The following DYRK2 variants were observed in gnomAD, a reference collection of about 807,000 sequenced individuals.
DYRK2 encodes the protein dual specificity tyrosine-phosphorylation-regulated kinase 2.
DYRK2 carries 12 observed loss-of-function variants against 41.6 expected under a neutral mutation model. That is an observed-to-expected ratio of 0.29 (90% CI 0.18 to 0.47). The LOEUF (loss-of-function observed/expected upper bound fraction) is 0.47, where lower values mean the gene tolerates loss of function less well. Among genes scored for constraint, DYRK2 ranks in the 20% least tolerant of loss-of-function variants. DYRK2 has a pLI of 1.00. For missense variants in DYRK2, 678 were observed against 798.4 expected (o/e 0.85, Z 1.82); for synonymous variants, 322 against 315.7 (o/e 1.02, Z -0.21).
At chr12:67,650,311 G>A (rs1872282227) in intron 2 of DYRK2, among the ~76,000 whole-genome samples, 1 of 152,074 alleles carries the variant, frequency 6.6e-6, no homozygotes, top group Non-Finnish European at 1.5e-5. Flanking sequence ...CCACCTCCCC[G>A]TGGGTAGTGG....
chr12:67,663,166 C>G lies in DYRK2; in HGVS notation c.*4453C>G, dbSNP rs1056107008. 2.0e-5 allele frequency: 3 copies of G among 151,900 alleles called. No individual in the cohort carries two copies. Among genetic ancestry groups the G allele is most frequent in the African/African-American group, 7.3e-5 (3 of 41,358 alleles). 9.4% of individuals were successfully genotyped at this position (151,900 alleles called of 1,614,324 possible). ...TGCTTATGAGTTTGCAGTTTTTGTA[C>G]TTGGTGGTCTCTGTGGTTCACATTT... On this transcript the variant is annotated 3_prime_UTR_variant, in exon 3 of 3. Coordinates refer to ENST00000344096, the MANE Select transcript of DYRK2 (RefSeq NM_006482.3).
chr12:67,655,455 C>G (rs924817285), intron 2 of DYRK2, among the ~76,000 whole-genome samples: 1 of 152,152 alleles, frequency 6.6e-6, no homozygotes, highest in African/African-American at 2.4e-5. Context: ...CAAGACTTGC[C>G]TGATTCATTT....
rs1037246000 is a variant in DYRK2 at position 67,662,207 on chromosome 12, A to C, written c.*3494A>C. 1 of 166,982 alleles carries C rather than the reference A, an allele frequency of 6.0e-6. No individual in the cohort carries two copies. Among genetic ancestry groups the C allele is most frequent in the Non-Finnish European group, 1.5e-5 (1 of 68,084 alleles). 10.3% of individuals were successfully genotyped at this position (166,982 alleles called of 1,614,324 possible). ...TGATCTGGTCTCGGTAAAGGTTTTA[A>C]TATTGCCCAACATAATGCTGTAATA... is the stretch of plus-strand genomic sequence containing the variant. On this transcript the variant is annotated 3_prime_UTR_variant, in exon 3 of 3. Coordinates refer to ENST00000344096, the MANE Select transcript of DYRK2 (RefSeq NM_006482.3).
At position 67,657,419 on chromosome 12, in the gene DYRK2, A is replaced by C. The variant is rs1872508514; in HGVS notation, c.512A>C (p.Glu171Ala). 1 of 1,614,116 alleles carries C rather than the reference A, an allele frequency of 6.2e-7. No individual in the cohort carries two copies. The highest frequency in any genetic ancestry group is 8.5e-7 in the Non-Finnish European group (1 of 1,180,054). Residue 171 changes from glutamate (E) to alanine (A), a missense_variant, in exon 3 of 3, where the codon GAA (glutamate) becomes GCA (alanine). Glu to Ala is a moderately radical substitution (Grantham distance 107). This residue lies in a region of DYRK2 where 285 missense variants were observed against 279.2 expected (regional missense o/e 1.02). Transcript: ENST00000344096. The surrounding 1 kb of genome is among the most constrained non-coding windows in gnomAD (Gnocchi z 4.8). ...KQYMQKLTAF[E>A]HHEIFSYPEI... ...TACATGCAAAAACTCACAGCCTTCG[A>C]ACACCATGAGATTTTCAGCTACCCT...
In DYRK2 at chr12:67,649,910, C is replaced by A; in HGVS notation, c.163C>A (p.Leu55Ile). Residue 55 changes from leucine (L) to isoleucine (I), a missense_variant, in exon 2 of 3, where the codon CTC becomes ATC. Leu to Ile is a conservative substitution (Grantham distance 5). Around this residue, in one of 2 missense-constraint regions of DYRK2, gnomAD observed 285 missense variants for 279.2 expected, o/e 1.02. Transcript: ENST00000344096. ...GCCCTCCCCCATCGCCCTGCCGCCT[C>A]TCCGGGCCAGCAACGCTGCCGCCGC... ...GPPSPIALPP[L>I]RASNAAAAAH... 1 of 1,385,890 alleles carries A rather than the reference C, an allele frequency of 7.2e-7. No individual in the cohort carries two copies. Among genetic ancestry groups the A allele is most frequent in the Non-Finnish European group, 9.3e-7 (1 of 1,076,816 alleles). The allele number at this position is 1,385,890 out of a possible 1,614,324, so 85.8% of individuals were successfully genotyped here.
rs1872530129 is a variant in DYRK2 at position 67,658,027 on chromosome 12, T to C, written c.1120T>C (p.Tyr374His). 1.2e-6 allele frequency: 2 copies of C among 1,614,226 alleles called. No individual in the cohort carries two copies. Among genetic ancestry groups the C allele is most frequent in the Non-Finnish European group, 1.7e-6 (2 of 1,180,038 alleles). ...IKVIDFGSSCYEHQRVYTYIQ... is the reference protein window; with the variant it reads ...IKVIDFGSSCHEHQRVYTYIQ... ...AGTAATTGATTTTGGCTCCAGTTGT[T>C]ACGAGCATCAGCGTGTCTACACGTA... Residue 374 changes from tyrosine (Y) to histidine (H), a missense_variant, in exon 3 of 3, where the codon TAC becomes CAC. Physicochemically the swap from Tyr to His is moderately conservative, Grantham distance 83 (BLOSUM62 2). Transcript: ENST00000344096. This position sits in a 1 kb window ranked among gnomAD's most constrained non-coding sequence, Gnocchi z 4.3.
At chr12:67,650,614 A>G (rs568372639) in intron 2 of DYRK2, among the ~76,000 whole-genome samples, 15 of 152,238 alleles carry the variant, frequency 9.9e-5, no homozygotes, top group Non-Finnish European at 2.2e-4. Context: ...GAGGTGGGAA[A>G]GAAAAAGCAC....
In DYRK2 at chr12:67,649,036, AG is replaced by A; in HGVS notation, c.-94del. ...CGACGAGGCGCCGGGGACCCGCGCGAGGGGCGGCCGGGAGGCGGCGGCGGCG... is the reference window on the plus strand; with the variant it reads ...CGACGAGGCGCCGGGGACCCGCGCGAGGGCGGCCGGGAGGCGGCGGCGGCG... On this transcript the variant is annotated 5_prime_UTR_variant, in exon 1 of 3. The change abolishes the stop of an existing upstream ORF in the 5' untranslated region. Transcript: ENST00000344096. 1 of 1,065,404 alleles carries A rather than the reference AG, an allele frequency of 9.4e-7. No individual in the cohort carries two copies. The highest frequency in any genetic ancestry group is 1.2e-6 in the Non-Finnish European group (1 of 802,620). 66.0% of individuals were successfully genotyped at this position (1,065,404 alleles called of 1,614,324 possible).
Position 67,658,910 on chromosome 12 carries a change from T to C in DYRK2, c.*197T>C, listed in dbSNP as rs1872557196. On this transcript the variant is annotated 3_prime_UTR_variant, in exon 3 of 3. Coordinates refer to ENST00000344096, the MANE Select transcript of DYRK2 (RefSeq NM_006482.3). The surrounding 1 kb of genome is among the most constrained non-coding windows in gnomAD (Gnocchi z 4.3). ...ACATGAGGACAATGCTTTAAGTTTT[T>C]ATACTTTCAGAAACTTTTTGTGTTC... The C allele has an allele frequency of 1.8e-6, 1 of 564,542 alleles. No individual in the cohort carries two copies. The highest frequency in any genetic ancestry group is 2.9e-6 in the Non-Finnish European group (1 of 347,782). The allele number at this position is 564,542 out of a possible 1,614,324, so 35.0% of individuals were successfully genotyped here. A position where few individuals can be genotyped will look rare whatever the true frequency, so the allele number is the denominator to read the frequency against.
Position 67,658,374 on chromosome 12 carries a change from C to T in DYRK2, c.1467C>T (p.Gly489=), listed in dbSNP as rs1398705159. The change falls in exon 3 of 3, where the codon GGC becomes GGT. Residue 489 remains glycine, a synonymous_variant. Transcript: ENST00000344096. The surrounding 1 kb of genome is among the most constrained non-coding windows in gnomAD (Gnocchi z 4.3). ...GTTCCCGGAGGGGGAAACTGAGGGGCCCACCGGAGAGCAGAGAGTGGGGGA... is the reference window on the plus strand; with the variant it reads ...GTTCCCGGAGGGGGAAACTGAGGGGTCCACCGGAGAGCAGAGAGTGGGGGA... ...GGRSRRGKLR[G]PPESREWGNA... 1.2e-6 allele frequency: 2 copies of T among 1,607,804 alleles called. No individual in the cohort carries two copies. The highest frequency in any genetic ancestry group is 1.1e-5 in the South Asian group (1 of 90,346).
At chr12:67,654,657 C>A (rs1345555178) in intron 2 of DYRK2, among the ~76,000 whole-genome samples, 2 of 152,076 alleles carry the variant, frequency 1.3e-5, no homozygotes, top group Non-Finnish European at 2.9e-5. Flanking sequence ...AGGATTCATT[C>A]GCAGGTGGAT....
At position 67,659,431 on chromosome 12, in the gene DYRK2, T is replaced by A. The variant is rs1489307000; in HGVS notation, c.*718T>A. The A allele has an allele frequency of 1.8e-5, 3 of 167,090 alleles. No homozygotes were observed. In the East Asian group the frequency reaches 5.8e-4, roughly 32 times the overall value. 10.4% of individuals were successfully genotyped at this position (167,090 alleles called of 1,614,324 possible). A position where few individuals can be genotyped will look rare whatever the true frequency, so the allele number is the denominator to read the frequency against. Reference sequence around the variant, plus strand: ...TGAGCTGTTTTGTAAAGAAGCCTCATATTACAGAGTTGCTTTTGCACCTAA... The same window carrying A: ...TGAGCTGTTTTGTAAAGAAGCCTCAAATTACAGAGTTGCTTTTGCACCTAA... On this transcript the variant is annotated 3_prime_UTR_variant, in exon 3 of 3. Transcript: ENST00000344096.
rs771055955 is a variant in DYRK2, at chr12:67,658,813, ACT to A, written c.*103_*104del. The A allele has an allele frequency of 6.9e-5, 89 of 1,280,918 alleles. No homozygotes were observed. The highest frequency in any genetic ancestry group is 8.7e-5 in the Non-Finnish European group (82 of 940,672). 79.3% of individuals were successfully genotyped at this position (1,280,918 alleles called of 1,614,324 possible). A position where few individuals can be genotyped will look rare whatever the true frequency, so the allele number is the denominator to read the frequency against. On this transcript the variant is annotated 3_prime_UTR_variant, in exon 3 of 3. Coordinates refer to ENST00000344096, the MANE Select transcript of DYRK2 (RefSeq NM_006482.3). This position sits in a 1 kb window ranked among gnomAD's most constrained non-coding sequence, Gnocchi z 4.3. Reference sequence around the variant, plus strand: ...CAGACCTGTTTTTATTTGCTCAATAACTCTACTCATTTGTATCTTTTCAGCAC... The same window carrying A: ...CAGACCTGTTTTTATTTGCTCAATAACTACTCATTTGTATCTTTTCAGCAC...
intron 2 of DYRK2, chr12:67,652,811 T>C (rs1246366504): frequency 6.6e-6 from 1 of 152,208 alleles, no homozygotes; most frequent in Admixed American, 6.5e-5. Flanking sequence ...AATTGTATTA[T>C]GTTTTTATTT....
chr12:67,649,180 C>A lies in DYRK2; in HGVS notation c.47C>A (p.Thr16Asn). The stretch of plus-strand genomic sequence containing the variant: ...GCCGCCGCTCCCGCCGCCTACCCGA[C>A]CGGTAAGGAGGCCGTGCCGCCGCGC... ...PSAAAPAAYP[T>N]GRGGDSAVRQ... is the part of the protein sequence containing the mutation. The change falls in exon 1 of 3, where the codon ACC becomes AAC. Residue 16 changes from threonine to asparagine, a missense_variant and splice_region_variant. Physicochemically the swap from Thr to Asn is moderately conservative, Grantham distance 65. Transcript: ENST00000344096. 1 of 1,509,358 alleles carries A rather than the reference C, an allele frequency of 6.6e-7. No individual in the cohort carries two copies. The highest frequency in any genetic ancestry group is 8.9e-7 in the Non-Finnish European group (1 of 1,124,376). The allele number at this position is 1,509,358 out of a possible 1,614,324, so 93.5% of individuals were successfully genotyped here. A position where few individuals can be genotyped will look rare whatever the true frequency, so the allele number is the denominator to read the frequency against.
In DYRK2 at chr12:67,662,576, C is replaced by A. The variant is rs1420939223; in HGVS notation, c.*3863C>A. On this transcript the variant is annotated 3_prime_UTR_variant, in exon 3 of 3. Transcript: ENST00000344096. ...ACTGTATGTATTATACAGCTGATGACAGGAGTAAGACTGTTTAGTGAATAT... is the reference window on the plus strand; with the variant it reads ...ACTGTATGTATTATACAGCTGATGAAAGGAGTAAGACTGTTTAGTGAATAT... 1 of 166,774 alleles carries A rather than the reference C, an allele frequency of 6.0e-6. No individual in the cohort carries two copies. Among genetic ancestry groups the A allele is most frequent in the Non-Finnish European group, 1.5e-5 (1 of 68,082 alleles). 10.3% of individuals were successfully genotyped at this position (166,774 alleles called of 1,614,324 possible).
chr12:67,655,392 C>T (rs184807570), intron 2 of DYRK2, among the ~76,000 whole-genome samples: 24 of 152,186 alleles, frequency 1.6e-4, no homozygotes, highest in Non-Finnish European at 2.8e-4. Flanking sequence ...GTGCAGAGAG[C>T]GAGGCTGGGG....
rs1380359510 is a variant in DYRK2 at position 67,658,184 on chromosome 12, A to T, written c.1277A>T (p.Asp426Val). ...GGTTACCCCCTCTTGCCTGGGGAAG[A>T]TGAAGGGGACCAGCTGGCCTGTATG... ...LTGYPLLPGE[D>V]EGDQLACMIE... The change falls in exon 3 of 3, where the codon GAT becomes GTT. Residue 426 changes from aspartate to valine, a missense_variant. Physicochemically the swap from Asp to Val is radical, Grantham distance 152. This residue lies in a region of DYRK2 where 393 missense variants were observed against 519.1 expected (regional missense o/e 0.76). Coordinates refer to ENST00000344096, the MANE Select transcript of DYRK2 (RefSeq NM_006482.3). This position sits in a 1 kb window ranked among gnomAD's most constrained non-coding sequence, Gnocchi z 4.3. 1 of 1,614,162 alleles carries T rather than the reference A, an allele frequency of 6.2e-7. No homozygotes were observed.
chr12:67,658,246 G>A lies in DYRK2; in HGVS notation c.1339G>A (p.Asp447Asn). 6.2e-7 allele frequency: 1 copy of A among 1,614,162 alleles called. No individual in the cohort carries two copies. Among genetic ancestry groups the A allele is most frequent in the East Asian group, 2.2e-5 (1 of 44,874 alleles). ...GGGCATGCCCTCACAGAAACTGCTG[G>A]ATGCATCCAAACGAGCCAAAAATTT... Reference protein sequence around the residue: ...LLGMPSQKLLDASKRAKNFVS... With the variant: ...LLGMPSQKLLNASKRAKNFVS... Residue 447 changes from aspartate (D) to asparagine (N), a missense_variant, in exon 3 of 3, where the codon GAT becomes AAT. Around this residue, in one of 2 missense-constraint regions of DYRK2, gnomAD observed 393 missense variants for 519.1 expected, o/e 0.76. Coordinates refer to ENST00000344096, the MANE Select transcript of DYRK2 (RefSeq NM_006482.3). The surrounding 1 kb of genome is among the most constrained non-coding windows in gnomAD (Gnocchi z 4.3).
Sources: allele counts gnomAD v4.1 joint callset (sites outside exome capture counted in the v4.1 genomes callset), GRCh38; gene constraint gnomAD v4.1.1; regional missense constraint gnomAD v4.1.1; non-coding constraint Gnocchi (gnomAD v3.1); transcripts MANE v1.5; gene names NCBI Gene and HGNC (gene_info 2026-07-23, HGNC 2026-07-21).